PPARGC1B: variants seen among roughly 807,000 people sequenced by gnomAD.
The protein encoded by PPARGC1B is peroxisome proliferator-activated receptor gamma coactivator 1-beta.
Under a neutral mutation model 101.6 loss-of-function variants are expected in PPARGC1B, and 34 were observed. That is an observed-to-expected ratio of 0.33 (90% CI 0.25 to 0.45). PPARGC1B has a LOEUF of 0.45. Ranked by LOEUF, PPARGC1B falls within the 20% of genes least tolerant of loss-of-function variation. The pLI, the probability that PPARGC1B is intolerant of heterozygous loss-of-function variation, is 1.00. For missense variants in PPARGC1B, 1,234 were observed against 1,317.6 expected, an observed-to-expected ratio of 0.94 and a Z score of 0.98; for synonymous variants, 548 against 539.3, an observed-to-expected ratio of 1.02 and a Z score of -0.22.
At chr5:149,807,945 A>G (rs1293797156) in intron 1 of PPARGC1B, among the ~76,000 whole-genome samples, 3 of 152,240 alleles carry the variant, frequency 2.0e-5, no homozygotes, top group Non-Finnish European at 2.9e-5. Context: ...CTCTGGCACA[A>G]AATTTAAGGA....
intron 1 of PPARGC1B, among the ~76,000 whole-genome samples, chr5:149,766,809 C>A (rs374303213): frequency 8.5e-5 from 13 of 152,360 alleles, no homozygotes; most frequent in African/African-American, 3.1e-4. Flanking sequence ...CCTGTCCCCC[C>A]ACAAAGGCAG....
At chr5:149,821,769 G>A (rs1250612569) in intron 2 of PPARGC1B, among the ~76,000 whole-genome samples, 1 of 152,180 alleles carries the variant, frequency 6.6e-6, no homozygotes, top group Non-Finnish European at 1.5e-5. Flanking sequence ...GTAAACATGT[G>A]AACAAACAGC....
Position 149,840,041 on chromosome 5 carries a change from A to T in PPARGC1B, c.2619A>T (p.Arg873Ser). Residue 873 changes from arginine (R) to serine (S), a missense_variant and splice_region_variant, in exon 9 of 12, where the codon AGA becomes AGT. Arg to Ser is a moderately radical substitution (Grantham distance 110). Around this residue, in one of 3 missense-constraint regions of PPARGC1B, gnomAD observed 497 missense variants for 529.5 expected, o/e 0.94. Coordinates refer to ENST00000309241, the MANE Select transcript of PPARGC1B (RefSeq NM_133263.4). ...CTCTGCTTTGCTTGTTCACTGACAG[A>T]TGTGAGAGCAGAGGGCCGTGTTCAG... ...SWSPATRRNF[R>S]CESRGPCSDR... is the part of the protein sequence containing the mutation. 6.2e-7 allele frequency: 1 copy of T among 1,614,026 alleles called. No homozygotes were observed. Among genetic ancestry groups the T allele is most frequent in the Non-Finnish European group, 8.5e-7 (1 of 1,179,982 alleles).
intron 1 of PPARGC1B, among the ~76,000 whole-genome samples, chr5:149,780,499 G>C (rs1016441250): frequency 7.2e-5 from 11 of 152,182 alleles, no homozygotes; most frequent in Non-Finnish European, 1.5e-5. Context: ...TGAGAGGTTT[G>C]AACTAAAGGT....
intron 1 of PPARGC1B, among the ~76,000 whole-genome samples, chr5:149,809,159 ATAGAT>A (rs1757715400): frequency 7.7e-6 from 1 of 130,508 alleles, no homozygotes; most frequent in African/African-American, 3.0e-5. Flanking sequence ...AGATAGATAG[ATAGAT>A]CCATCTCTAC....
At position 149,836,630 on chromosome 5, in the gene PPARGC1B, G is replaced by A. The variant is rs781380743; in HGVS notation, c.2175G>A (p.Gln725=). 1 of 1,613,868 alleles carries A rather than the reference G, an allele frequency of 6.2e-7. No individual in the cohort carries two copies. The highest frequency in any genetic ancestry group is 1.7e-5 in the Admixed American group (1 of 60,034). The stretch of plus-strand genomic sequence containing the variant: ...TTCACCTTGAGGACTGGCCCCAGCA[G>A]GGTGCCCCTTGGGCTGAGGCACAGG... ...SGVHLEDWPQ[Q]GAPWAEAQAP... The change falls in exon 8 of 12, where the codon CAG becomes CAA. Residue 725 remains glutamine (Q), a synonymous_variant. Coordinates refer to ENST00000309241, the MANE Select transcript of PPARGC1B (RefSeq NM_133263.4).
intron 1 of PPARGC1B, among the ~76,000 whole-genome samples, chr5:149,742,374 C>T (rs185062559): frequency 2.0e-4 from 31 of 152,244 alleles, no homozygotes; most frequent in African/African-American, 7.2e-4. Context: ...CCTTTTTGCT[C>T]TGCGATCCCC....
intron 1 of PPARGC1B, among the ~76,000 whole-genome samples, chr5:149,754,774 AT>A (rs10560122): frequency 0.43 from 29,304 of 68,158 alleles, 6,709 homozygotes; most frequent in Admixed American, 0.5. Flanking sequence ...GAGCATCCTG[AT>A]TTTTTTTTTT....
At chr5:149,856,073 TGGCAACAGAGCCTG>T (rs1759941644), downstream of PPARGC1B, among the ~76,000 whole-genome samples, 1 of 152,020 alleles carries the variant, frequency 6.6e-6, no homozygotes, top group Non-Finnish European at 1.5e-5. Context: ...GCCAAGGTCG[TGGCAACAGAGCCTG>T]GGCAACAGAG....
In PPARGC1B at chr5:149,753,983, C is replaced by T. The variant is rs140399336; in HGVS notation, c.78+23563C>T. The stretch of plus-strand genomic sequence containing the variant: ...TGCTGGGATTACAGGCGTGAGCCAC[C>T]GCACCTGGCCGGTGTGCATATTTAA... On this transcript the variant is annotated intron_variant, in intron 1 of 11. Transcript: ENST00000309241. Among the ~76,000 whole-genome samples the T allele has an allele frequency of 5.0e-3, 761 of 152,290 alleles. 6 individuals are homozygous for T. The highest frequency in any genetic ancestry group is 0.017 in the African/African-American group (687 of 41,560).
At chr5:149,762,679 T>C (rs1426937123) in intron 1 of PPARGC1B, among the ~76,000 whole-genome samples, 1 of 152,198 alleles carries the variant, frequency 6.6e-6, no homozygotes, top group Non-Finnish European at 1.5e-5. Context: ...GGCAAGGTGC[T>C]CACTGTTCTG....
In PPARGC1B at chr5:149,830,748, C is replaced by T. The variant is rs749001892; in HGVS notation, c.466-19C>T. The T allele has an allele frequency of 3.1e-6, 5 of 1,590,488 alleles. No individual in the cohort carries two copies. In the African/African-American group the frequency reaches 6.7e-5, roughly 21 times the overall value. ...CTGTGGCTCAGCCCCGGCTCCTGTC[C>T]TCTCTGCTTTTCCCTCAGCTGCAGA... On this transcript the variant is annotated intron_variant, in intron 3 of 11. Transcript: ENST00000309241.
chr5:149,819,391 T>A (rs1432168432), intron 1 of PPARGC1B, among the ~76,000 whole-genome samples: 1 of 152,256 alleles, frequency 6.6e-6, no homozygotes, highest in Non-Finnish European at 1.5e-5. Flanking sequence ...ATTCTACAAC[T>A]TTTTTATTTA....
In PPARGC1B at chr5:149,849,623, T is replaced by C. The variant is rs1039148199; in HGVS notation, c.*2065T>C. The C allele has an allele frequency of 1.6e-4, 24 of 152,248 alleles. 1 individual carries two copies. Among genetic ancestry groups the C allele is most frequent in the Admixed American group, 1.2e-3 (18 of 15,288 alleles). 9.4% of individuals were successfully genotyped at this position (152,248 alleles called of 1,614,324 possible). A position where few individuals can be genotyped will look rare whatever the true frequency, so the allele number is the denominator to read the frequency against. ...ATTAGAGTTCAATCTATTTGACATC[T>C]TGGGCTAATCTTTGGAAGGTTTCCA... On this transcript the variant is annotated 3_prime_UTR_variant, in exon 12 of 12. Coordinates refer to ENST00000309241, the MANE Select transcript of PPARGC1B (RefSeq NM_133263.4).
At chr5:149,835,509 A>G (rs1759017509) in intron 7 of PPARGC1B, 144 bp downstream of exon 7, 1 of 687,798 alleles carries the variant, frequency 1.5e-6, no homozygotes, top group Admixed American at 2.8e-5. Context: ...ATAGGCAGTC[A>G]AAAAGCAAAC....
intron 1 of PPARGC1B, among the ~76,000 whole-genome samples, chr5:149,806,482 C>T (rs1002742579): frequency 2.0e-5 from 3 of 152,208 alleles, no homozygotes; most frequent in African/African-American, 7.2e-5. Flanking sequence ...CCTGCTCCCT[C>T]GGTCTCTCCT....
Position 149,833,358 on chromosome 5 carries a change from CAGGAGGAGGAAGACGAGGAAGAAG to C in PPARGC1B, c.1299_1322del (p.Asp433_Glu440del), listed in dbSNP as rs1469454113. ...CCGCCGGCCTGCCAGACTGCAGCAG[CAGGAGGAGGAAGACGAGGAAGAAG>C]AGGAGGAGGAAGAGGAAGAAGAAAA... On this transcript the variant is annotated inframe_deletion, in exon 5 of 12. Transcript: ENST00000309241. This position sits in a 1 kb window ranked among gnomAD's most constrained non-coding sequence, Gnocchi z 4.1. The C allele has an allele frequency of 1.9e-6, 3 of 1,613,394 alleles. No homozygotes were observed. Among genetic ancestry groups the C allele is most frequent in the East Asian group, 4.5e-5 (2 of 44,866 alleles).
At chr5:149,810,732 T>C (rs1018028074) in intron 1 of PPARGC1B, among the ~76,000 whole-genome samples, 2 of 152,156 alleles carry the variant, frequency 1.3e-5, no homozygotes, top group African/African-American at 2.4e-5. Flanking sequence ...TCTGGACAGG[T>C]CACACGGGAG....
downstream of PPARGC1B, among the ~76,000 whole-genome samples, chr5:149,856,285 T>C (rs922126890): frequency 8.5e-5 from 13 of 152,226 alleles, no homozygotes; most frequent in Admixed American, 5.2e-4. Context: ...ATTTCTTTGA[T>C]TGCAAGGGAA....
Sources: allele counts gnomAD v4.1 joint callset (sites outside exome capture counted in the v4.1 genomes callset), GRCh38; gene constraint gnomAD v4.1.1; regional missense constraint gnomAD v4.1.1; non-coding constraint Gnocchi (gnomAD v3.1); transcripts MANE v1.5; gene names NCBI Gene and HGNC (gene_info 2026-07-23, HGNC 2026-07-21).